NEK11: variants seen among roughly 807,000 people sequenced by gnomAD.
NEK11 encodes the protein NIMA related kinase 11, also known as serine/threonine-protein kinase Nek11.
In NEK11, 72 loss-of-function variants were observed where a neutral mutation model predicts 80.7. The observed-to-expected ratio is 0.89, with a 90% CI of 0.74 to 1.08. The LOEUF is 1.08. Among genes scored for constraint, NEK11 ranks in the 50% least tolerant of loss-of-function variants. NEK11 has a pLI of 0.00. For synonymous variants in NEK11, 251 were observed against 260.7 expected (o/e 0.96, Z 0.36); for missense variants, 764 against 763.6 (o/e 1.00, Z -0.01).
intron 17 of NEK11, among the ~76,000 whole-genome samples, chr3:131,314,968 A>C (rs1272359971): frequency 6.6e-6 from 1 of 152,214 alleles, no homozygotes; most frequent in Non-Finnish European, 1.5e-5. Flanking sequence ...TGAGGAGCTT[A>C]TTATATTTTA....
intron 3 of NEK11, among the ~76,000 whole-genome samples, chr3:131,078,488 T>A (rs187732816): frequency 6.6e-6 from 1 of 152,178 alleles, no homozygotes; most frequent in African/African-American, 2.4e-5. Context: ...TTGTAGTCTC[T>A]CACTGAGAAA....
intron 3 of NEK11, among the ~76,000 whole-genome samples, chr3:131,060,346 C>T (rs938312338): frequency 2.6e-5 from 4 of 152,204 alleles, no homozygotes; most frequent in Admixed American, 2.6e-4. Context: ...TATGCTTGGT[C>T]TTGCCCTTGT....
At chr3:131,075,988 T>C (rs1244743900) in intron 3 of NEK11, among the ~76,000 whole-genome samples, 1 of 152,108 alleles carries the variant, frequency 6.6e-6, no homozygotes, top group Non-Finnish European at 1.5e-5. Context: ...GACACATATA[T>C]TTGCAAAATG....
chr3:131,250,950 A>G (rs893372450), intron 16 of NEK11, among the ~76,000 whole-genome samples: 2 of 152,108 alleles, frequency 1.3e-5, no homozygotes, highest in African/African-American at 4.8e-5. Flanking sequence ...GCTTAGCTGT[A>G]TACAATATTT....
intron 14 of NEK11, among the ~76,000 whole-genome samples, chr3:131,195,820 A>ATATATATATATAT (rs1553929089): frequency 7.0e-5 from 10 of 143,476 alleles, no homozygotes; most frequent in African/African-American, 2.3e-4. Flanking sequence ...ATATATATAT[A>ATATATATATATAT]AAATTGAAGA....
intron 16 of NEK11, among the ~76,000 whole-genome samples, chr3:131,256,092 G>T (rs1205466414): frequency 6.6e-6 from 1 of 152,172 alleles, no homozygotes; most frequent in Admixed American, 6.6e-5. Context: ...ATTGGTCAAT[G>T]AGTATAAAGT....
chr3:131,056,124 A>T (rs189008758), intron 3 of NEK11, among the ~76,000 whole-genome samples: 28 of 152,300 alleles, frequency 1.8e-4, no homozygotes, highest in Non-Finnish European at 1.2e-4. Flanking sequence ...GCTTCATTTT[A>T]CTGCCTTGAG....
chr3:131,228,651 A>G lies in NEK11; in HGVS notation c.1523A>G (p.Asn508Ser), dbSNP rs2095264109. 1.2e-6 allele frequency: 2 copies of G among 1,613,526 alleles called. No homozygotes were observed. The highest frequency in any genetic ancestry group is 8.5e-7 in the Non-Finnish European group (1 of 1,179,700). ...ALERPEKEIR[N>S]EGSQPAYRTN... is the part of the protein sequence containing the mutation. Reference sequence around the variant, plus strand: ...GAAAGACCAGAGAAAGAAATCAGGAATGAGGGATCCCAGCCTGCTTACAGA... The same window carrying G: ...GAAAGACCAGAGAAAGAAATCAGGAGTGAGGGATCCCAGCCTGCTTACAGA... The change falls in exon 15 of 18, where the codon AAT becomes AGT. Residue 508 changes from asparagine (N) to serine (S), a missense_variant. Coordinates refer to ENST00000383366, the MANE Select transcript of NEK11 (RefSeq NM_024800.5).
intron 14 of NEK11, among the ~76,000 whole-genome samples, chr3:131,186,065 A>G (rs1416473478): frequency 6.6e-6 from 1 of 152,204 alleles, no homozygotes; most frequent in Non-Finnish European, 1.5e-5. Flanking sequence ...GAAAGTACAC[A>G]GCAATTTTTT....
chr3:131,102,760 AAT>A (rs1275321076), intron 4 of NEK11, among the ~76,000 whole-genome samples: 7 of 152,130 alleles, frequency 4.6e-5, no homozygotes, highest in African/African-American at 1.7e-4. Flanking sequence ...TATATCCTCA[AAT>A]ATATTATCTG....
At chr3:131,093,065 G>A (rs1490512211) in intron 4 of NEK11, 1 of 152,182 alleles carries the variant, frequency 6.6e-6, no homozygotes, top group East Asian at 1.9e-4. Flanking sequence ...ACAAGGAGTT[G>A]CCCACACATA....
intron 17 of NEK11, among the ~76,000 whole-genome samples, chr3:131,305,946 G>A (rs894522784): frequency 6.6e-6 from 1 of 152,122 alleles, no homozygotes; most frequent in African/African-American, 2.4e-5. Context: ...CTCTTGATGG[G>A]ATATGTTCCT....
At chr3:131,256,040 T>C (rs1382429023) in intron 16 of NEK11, among the ~76,000 whole-genome samples, 1 of 152,088 alleles carries the variant, frequency 6.6e-6, no homozygotes, top group Non-Finnish European at 1.5e-5. Flanking sequence ...TAAATTTGTC[T>C]CCAAAGGCTG....
intron 5 of NEK11, among the ~76,000 whole-genome samples, chr3:131,115,902 T>TTTCC (rs2080944775): frequency 1.4e-5 from 1 of 70,170 alleles, no homozygotes; most frequent in East Asian, 4.4e-4. Flanking sequence ...AAAGGTAGTG[T>TTTCC]TTTCTTTCTT....
At chr3:131,244,026 A>G (rs963477766) in intron 16 of NEK11, among the ~76,000 whole-genome samples, 4 of 152,022 alleles carry the variant, frequency 2.6e-5, no homozygotes, top group African/African-American at 7.2e-5. Context: ...GAGAAGCCTA[A>G]CTGAGATACA....
At chr3:131,185,452 C>T (rs2093560346) in intron 14 of NEK11, among the ~76,000 whole-genome samples, 1 of 152,098 alleles carries the variant, frequency 6.6e-6, no homozygotes, top group East Asian at 1.9e-4. Flanking sequence ...CAATGGGTGG[C>T]TTTGAACCAG....
intron 14 of NEK11, among the ~76,000 whole-genome samples, chr3:131,215,518 C>T (rs1347766297): frequency 6.6e-6 from 1 of 151,932 alleles, no homozygotes; most frequent in Non-Finnish European, 1.5e-5. Context: ...AAGGGGGTTG[C>T]CCAGAAGGCT....
chr3:131,237,837 G>C (rs901978475), intron 15 of NEK11, among the ~76,000 whole-genome samples: 1 of 152,112 alleles, frequency 6.6e-6, no homozygotes, highest in Non-Finnish European at 1.5e-5. Flanking sequence ...CTATTGGCTT[G>C]ACCTTTAAAG....
intron 7 of NEK11, among the ~76,000 whole-genome samples, chr3:131,150,069 A>G (rs1013136959): frequency 4.6e-5 from 7 of 151,968 alleles, no homozygotes; most frequent in South Asian, 2.1e-4. Flanking sequence ...TGTTTGACCT[A>G]AGGATTATTT....
Sources: gnomAD v4.1 joint callset for allele counts (sites outside exome capture counted in the v4.1 genomes callset) on GRCh38, gnomAD v4.1.1 for gene constraint, MANE v1.5 for transcripts, NCBI Gene and HGNC (gene_info 2026-07-23, HGNC 2026-07-21) for gene names.